KCND3: variants seen among roughly 807,000 people sequenced by gnomAD.
KCND3 encodes A-type voltage-gated potassium channel KCND3.
KCND3 carries 9 observed loss-of-function variants against 51.1 expected under a neutral mutation model. The ratio of observed to expected loss-of-function variants is 0.18; its 90% confidence interval spans 0.11 to 0.31. The LOEUF (loss-of-function observed/expected upper bound fraction) is 0.31, where lower values mean the gene tolerates loss of function less well. Among genes scored for constraint, KCND3 ranks in the 10% least tolerant of loss-of-function variants. The pLI is 1.00. For missense variants in KCND3, 526 were observed against 903.8 expected (o/e 0.58, Z 5.36); for synonymous variants, 349 against 368.0 (o/e 0.95, Z 0.59).
intron 2 of KCND3, among the ~76,000 whole-genome samples, chr1:111,875,082 C>T (rs1032907019): frequency 6.6e-6 from 1 of 152,172 alleles, no homozygotes; most frequent in African/African-American, 2.4e-5. Flanking sequence ...CATGGTGGCT[C>T]CAGGGACCTG....
intron 2 of KCND3, among the ~76,000 whole-genome samples, chr1:111,800,811 T>C (rs1254012874): frequency 6.6e-6 from 1 of 152,220 alleles, no homozygotes; most frequent in East Asian, 1.9e-4. Context: ...TGGTTGGGGC[T>C]GGGAGCCATG....
At chr1:111,849,311 C>T (rs1257438933) in intron 2 of KCND3, among the ~76,000 whole-genome samples, 1 of 152,264 alleles carries the variant, frequency 6.6e-6, no homozygotes, top group African/African-American at 2.4e-5. Flanking sequence ...AGCTGTGCCA[C>T]AGCACCCAGA....
chr1:111,938,782 T>A (rs1672342451), intron 2 of KCND3, among the ~76,000 whole-genome samples: 1 of 152,010 alleles, frequency 6.6e-6, no homozygotes, highest in Non-Finnish European at 1.5e-5. Context: ...ATGTCAATAA[T>A]CCCAGAGAGG....
intron 2 of KCND3, among the ~76,000 whole-genome samples, chr1:111,823,184 G>C (rs148913815): frequency 6.6e-6 from 1 of 152,344 alleles, no homozygotes; most frequent in South Asian, 2.1e-4. Flanking sequence ...GGCAGGGCAG[G>C]GTGTGGGGTG....
intron 2 of KCND3, among the ~76,000 whole-genome samples, chr1:111,904,220 G>T (rs923627759): frequency 5.9e-5 from 9 of 151,638 alleles, no homozygotes; most frequent in African/African-American, 2.2e-4. Context: ...AGGCTCAGTT[G>T]CCCTGGGCTC....
chr1:111,910,146 C>G (rs1295879450), intron 2 of KCND3: 3 of 152,232 alleles, frequency 2.0e-5, no homozygotes, highest in African/African-American at 4.8e-5. Flanking sequence ...ATTGCCTCCC[C>G]CTCAGAGGAC....
chr1:111,964,622 T>C (rs2101941018), intron 2 of KCND3, among the ~76,000 whole-genome samples: 1 of 152,306 alleles, frequency 6.6e-6, no homozygotes, highest in South Asian at 2.1e-4. Flanking sequence ...CAGCACTAAC[T>C]CAGAGGGGCT....
At chr1:111,944,587 G>T (rs1475185654) in intron 2 of KCND3, among the ~76,000 whole-genome samples, 6 of 152,186 alleles carry the variant, frequency 3.9e-5, no homozygotes, top group Admixed American at 3.9e-4. Context: ...GGACCCTGGG[G>T]CCTCCCAGCA....
chr1:111,809,797 A>G (rs1446938161), intron 2 of KCND3, among the ~76,000 whole-genome samples: 4 of 152,164 alleles, frequency 2.6e-5, no homozygotes, highest in Non-Finnish European at 5.9e-5. Context: ...AGTGCTGGGG[A>G]TTCAAAAATG....
At chr1:111,791,953 T>C (rs1664848395) in intron 2 of KCND3, among the ~76,000 whole-genome samples, 3 of 152,114 alleles carry the variant, frequency 2.0e-5, no homozygotes, top group African/African-American at 4.8e-5. Flanking sequence ...CTTGGCTGGA[T>C]TGATGGGAGT....
chr1:111,799,428 A>G (rs1212168101), intron 2 of KCND3, among the ~76,000 whole-genome samples: 1 of 152,244 alleles, frequency 6.6e-6, no homozygotes, highest in African/African-American at 2.4e-5. Flanking sequence ...GAGTTTCTAG[A>G]AGTGAAAGAG....
chr1:111,833,887 A>G (rs1464853518), intron 2 of KCND3, among the ~76,000 whole-genome samples: 3 of 152,218 alleles, frequency 2.0e-5, no homozygotes, highest in Non-Finnish European at 2.9e-5. Context: ...GGGAAACCCA[A>G]CAAGAAGTGG....
rs1331818876 is a variant in KCND3 at position 111,780,302 on chromosome 1, C to T, written c.1384G>A (p.Glu462Lys). Residue 462 changes from glutamate to lysine, a missense_variant, in exon 5 of 8, where the codon GAG (glutamate) becomes AAG (lysine). By Grantham distance (56) the Glu-to-Lys change is moderately conservative. Coordinates refer to ENST00000302127, the MANE Select transcript of KCND3 (RefSeq NM_001378969.1). This position sits in a 1 kb window ranked among gnomAD's most constrained non-coding sequence, Gnocchi z 4.2. ...EALELTGTPE[E>K]EHMGKTTSLI... The stretch of plus-strand genomic sequence containing the variant: ...GAGGTGGTCTTGCCCATGTGCTCCT[C>T]TTCTGGGGTGCCCTAGTAAAAAAAG... 2 of 1,571,950 alleles carry T rather than the reference C, an allele frequency of 1.3e-6. No individual in the cohort carries two copies. Among genetic ancestry groups the T allele is most frequent in the East Asian group, 2.3e-5 (1 of 43,258 alleles).
At chr1:111,825,198 C>T (rs1441896375) in intron 2 of KCND3, among the ~76,000 whole-genome samples, 1 of 152,222 alleles carries the variant, frequency 6.6e-6, no homozygotes, top group African/African-American at 2.4e-5. Flanking sequence ...CCAGGGTCCA[C>T]ACTTTGGGAA....
chr1:111,867,192 T>A (rs1035538703), intron 2 of KCND3, among the ~76,000 whole-genome samples: 10 of 152,106 alleles, frequency 6.6e-5, no homozygotes, highest in African/African-American at 2.4e-4. Flanking sequence ...GGTCCCACCA[T>A]ATAAGCTCTT....
intron 2 of KCND3, among the ~76,000 whole-genome samples, chr1:111,901,965 C>G (rs1211987894): frequency 6.6e-6 from 1 of 152,144 alleles, no homozygotes; most frequent in Non-Finnish European, 1.5e-5. Context: ...TTGAGGACCC[C>G]AAACTACTCC....
At chr1:111,964,902 TG>T (rs980703000) in intron 2 of KCND3, among the ~76,000 whole-genome samples, 1 of 152,178 alleles carries the variant, frequency 6.6e-6, no homozygotes, top group African/African-American at 2.4e-5. Flanking sequence ...CCAGTTCATC[TG>T]GTTCATTTTC....
At chr1:111,912,940 C>T (rs1245543391) in intron 2 of KCND3, among the ~76,000 whole-genome samples, 1 of 151,992 alleles carries the variant, frequency 6.6e-6, no homozygotes, top group South Asian at 2.1e-4. Flanking sequence ...GAAGAAGAAA[C>T]AATTTTGTAG....
chr1:111,776,668 G>A (rs191254979), intron 7 of KCND3, among the ~76,000 whole-genome samples: 41 of 152,250 alleles, frequency 2.7e-4, no homozygotes, highest in African/African-American at 9.1e-4. Flanking sequence ...TAAGCCATGA[G>A]TAACACAGAT....
Sources: allele counts gnomAD v4.1 joint callset (sites outside exome capture counted in the v4.1 genomes callset), GRCh38; gene constraint gnomAD v4.1.1; non-coding constraint Gnocchi (gnomAD v3.1); transcripts MANE v1.5; gene names NCBI Gene and HGNC (gene_info 2026-07-23, HGNC 2026-07-21).